Variants in PDE11A observed in about 807,000 individuals in gnomAD.
The protein encoded by PDE11A is dual 3',5'-cyclic-AMP and -GMP phosphodiesterase 11A.
Under a neutral mutation model 100.5 loss-of-function variants are expected in PDE11A, and 100 were observed. The ratio of observed to expected loss-of-function variants is 1.00; its 90% CI spans 0.85 to 1.18. The LOEUF is 1.18. Ranked by LOEUF, PDE11A falls within the 50% of genes most tolerant of loss-of-function variation. The pLI, the probability that PDE11A is intolerant of heterozygous loss-of-function variation, is 0.00. For missense variants in PDE11A, 1,141 were observed against 1,152.6 expected, an observed-to-expected ratio of 0.99 and a Z score of 0.15; for synonymous variants, 381 against 420.8, an observed-to-expected ratio of 0.91 and a Z score of 1.16.
chr2:177,871,814 T>C (rs972232241), intron 5 of PDE11A, among the ~76,000 whole-genome samples: 9 of 151,840 alleles, frequency 5.9e-5, no homozygotes, highest in Non-Finnish European at 1.5e-5. Flanking sequence ...TGAACTATGA[T>C]TGCACCACTG....
At chr2:177,694,698 C>T (rs1275524485) in intron 15 of PDE11A, among the ~76,000 whole-genome samples, 1 of 152,102 alleles carries the variant, frequency 6.6e-6, no homozygotes, top group Non-Finnish European at 1.5e-5. Flanking sequence ...CAAAGTAATA[C>T]ATGAACATAG....
chr2:177,971,678 T>C (rs541935110), intron 2 of PDE11A, among the ~76,000 whole-genome samples: 25 of 152,166 alleles, frequency 1.6e-4, no homozygotes, highest in African/African-American at 5.8e-4. Context: ...AGAGAGGGGA[T>C]GGAGGAGGCT....
chr2:177,864,846 G>T (rs186190320), intron 5 of PDE11A, among the ~76,000 whole-genome samples: 5 of 152,214 alleles, frequency 3.3e-5, no homozygotes, highest in Non-Finnish European at 7.4e-5. Context: ...AACAAAATGA[G>T]TTCCCTTTTG....
At chr2:177,969,573 A>C (rs1394472212) in intron 2 of PDE11A, among the ~76,000 whole-genome samples, 2 of 152,186 alleles carry the variant, frequency 1.3e-5, no homozygotes, top group Non-Finnish European at 2.9e-5. Flanking sequence ...GCCCTGTAAT[A>C]TATGATACTG....
At chr2:177,785,141 TA>T (rs2105523897) in intron 9 of PDE11A, among the ~76,000 whole-genome samples, 1 of 152,316 alleles carries the variant, frequency 6.6e-6, no homozygotes, top group Non-Finnish European at 1.5e-5. Flanking sequence ...AACCTTGGCC[TA>T]ATTATATAAC....
chr2:177,998,391 A>C lies in PDE11A; in HGVS notation c.1071+15911T>G, dbSNP rs570237207. 20 of 850,994 alleles carry C rather than the reference A, an allele frequency of 2.4e-5. 1 individual carries two copies. The highest frequency in any genetic ancestry group is 2.2e-4 in the South Asian group (17 of 75,828). The allele number at this position is 850,994 out of a possible 1,614,324, so 52.7% of individuals were successfully genotyped here. ...TGAACCTAAAGTCCCTTTTCCATCCATGTTAAATATACTCAACAGGGCATT... is the reference window on the plus strand; with the variant it reads ...TGAACCTAAAGTCCCTTTTCCATCCCTGTTAAATATACTCAACAGGGCATT... On this transcript the variant is annotated intron_variant, in intron 2 of 19. Coordinates refer to ENST00000286063, the MANE Select transcript of PDE11A (RefSeq NM_016953.4).
chr2:177,750,719 A>G (rs1294595300), intron 10 of PDE11A, among the ~76,000 whole-genome samples: 2 of 152,264 alleles, frequency 1.3e-5, no homozygotes, highest in African/African-American at 4.8e-5. Flanking sequence ...GGTATAAAGT[A>G]TCAGAAATTG....
intron 1 of PDE11A, among the ~76,000 whole-genome samples, chr2:178,059,671 C>T (rs972921508): frequency 6.6e-6 from 1 of 152,184 alleles, no homozygotes; most frequent in Non-Finnish European, 1.5e-5. Flanking sequence ...TCCCAGAGTC[C>T]TATTCTCCAA....
intron 19 of PDE11A, among the ~76,000 whole-genome samples, chr2:177,641,290 AC>A (rs2105447243): frequency 6.6e-6 from 1 of 152,312 alleles, no homozygotes; most frequent in Admixed American, 6.5e-5. Flanking sequence ...CAAAACAGAA[AC>A]AAAACCATAA....
intron 4 of PDE11A, among the ~76,000 whole-genome samples, chr2:177,893,036 C>T (rs1221029707): frequency 6.6e-6 from 1 of 152,116 alleles, no homozygotes; most frequent in Admixed American, 6.5e-5. Flanking sequence ...CTCCAATGCC[C>T]ACCACCACCA....
intron 15 of PDE11A, among the ~76,000 whole-genome samples, chr2:177,697,086 T>A (rs73979528): frequency 2.6e-5 from 4 of 152,188 alleles, no homozygotes; most frequent in Admixed American, 1.3e-4. Flanking sequence ...CAGAGTTGTG[T>A]GTCAAACAAG....
At chr2:177,779,056 A>G (rs190061088) in intron 9 of PDE11A, among the ~76,000 whole-genome samples, 1 of 152,346 alleles carries the variant, frequency 6.6e-6, no homozygotes, top group East Asian at 1.9e-4. Context: ...TTGGTTCCAG[A>G]CGACCTCAAT....
At chr2:177,877,312 G>A (rs78406912) in intron 4 of PDE11A, among the ~76,000 whole-genome samples, 1,249 of 123,926 alleles carry the variant, frequency 0.01, 155 homozygotes, top group African/African-American at 0.041. Context: ...TTACAGGGGC[G>A]TGTCATCATG....
chr2:177,979,077 T>C (rs967295893), intron 2 of PDE11A, among the ~76,000 whole-genome samples: 1 of 113,036 alleles, frequency 8.8e-6, no homozygotes, highest in Admixed American at 9.0e-5. Flanking sequence ...TAGAGTATAA[T>C]AAAAAAAAAA....
intron 15 of PDE11A, among the ~76,000 whole-genome samples, chr2:177,682,799 C>T (rs1574040029): frequency 6.6e-6 from 1 of 152,152 alleles, no homozygotes; most frequent in African/African-American, 2.4e-5. Context: ...CTATATTAGC[C>T]TTTGAAGTCT....
chr2:177,846,418 A>G (rs2083603387), intron 5 of PDE11A, among the ~76,000 whole-genome samples: 1 of 152,186 alleles, frequency 6.6e-6, no homozygotes, highest in East Asian at 1.9e-4. Context: ...CATTTCAGTG[A>G]TGTGGTGTTG....
chr2:178,096,265 G>A (rs933630472), intron 2 of PDE11A, among the ~76,000 whole-genome samples: 3 of 149,148 alleles, frequency 2.0e-5, no homozygotes, highest in South Asian at 2.1e-4. Flanking sequence ...CTGGGTTCAC[G>A]CCATTCTCCC....
chr2:178,037,709 A>G (rs1254413623), intron 1 of PDE11A, among the ~76,000 whole-genome samples: 1 of 152,204 alleles, frequency 6.6e-6, no homozygotes, highest in African/African-American at 2.4e-5. Context: ...GAATGAATTC[A>G]TGTCCTTTGC....
In PDE11A at chr2:177,930,231, A is replaced by C. The variant is rs142016880; in HGVS notation, c.1072-25044T>G. 3.7e-4 allele frequency among the ~76,000 whole-genome samples: 57 copies of C among 152,350 alleles called. 1 individual carries two copies. Among genetic ancestry groups the C allele is most frequent in the Middle Eastern group, 3.4e-3 (1 of 294 alleles). On this transcript the variant is annotated intron_variant, in intron 2 of 19. Coordinates refer to ENST00000286063, the MANE Select transcript of PDE11A (RefSeq NM_016953.4). The stretch of plus-strand genomic sequence containing the variant: ...TGATAAATTTGAGAAAACAGATTAG[A>C]GGCTGTTTTACTTTTAAACAAGTTC...
Sources: gnomAD v4.1 joint callset for allele counts (sites outside exome capture counted in the v4.1 genomes callset) on GRCh38, gnomAD v4.1.1 for gene constraint, MANE v1.5 for transcripts, NCBI Gene and HGNC (gene_info 2026-07-23, HGNC 2026-07-21) for gene names.